The following FOXO1 variants were observed in gnomAD, a reference collection of about 807,000 sequenced individuals.
The protein encoded by FOXO1 is forkhead box O1.
Under a neutral mutation model 44.1 loss-of-function variants are expected in FOXO1, and 6 were observed. That is an observed-to-expected ratio of 0.14 (90% CI 0.07 to 0.27). The LOEUF (loss-of-function observed/expected upper bound fraction) is 0.27, where lower values mean the gene tolerates loss of function less well. Among genes scored for constraint, FOXO1 ranks in the 10% least tolerant of loss-of-function variants. The pLI is 1.00. For synonymous variants in FOXO1, 380 were observed against 362.7 expected, an observed-to-expected ratio of 1.05 and a Z score of -0.54; for missense variants, 737 against 888.8, an observed-to-expected ratio of 0.83 and a Z score of 2.17.
At chr13:40,652,025 A>C (rs541854798) in intron 1 of FOXO1, among the ~76,000 whole-genome samples, 7 of 152,264 alleles carry the variant, frequency 4.6e-5, no homozygotes, top group African/African-American at 1.7e-4. Flanking sequence ...CTACATACCT[A>C]CCCATCCAGA....
In FOXO1 at chr13:40,666,253, G is replaced by C. The variant is rs940739894; in HGVS notation, c.-41C>G. The C allele has an allele frequency of 2.2e-5, 30 of 1,350,620 alleles. No homozygotes were observed. Among genetic ancestry groups the C allele is most frequent in the Middle Eastern group, 2.6e-4 (1 of 3,784 alleles). 83.7% of individuals were successfully genotyped at this position (1,350,620 alleles called of 1,614,324 possible). ...TCCCCCAGCCGCAGGAGAGCCAAGA[G>C]GGGGAGAACGCAGCACTGGGGGCGG... On this transcript the variant is annotated 5_prime_UTR_variant, in exon 1 of 3. Coordinates refer to ENST00000379561, the MANE Select transcript of FOXO1 (RefSeq NM_002015.4).
chr13:40,574,031 T>G (rs940658082), intron 1 of FOXO1, among the ~76,000 whole-genome samples: 2 of 152,232 alleles, frequency 1.3e-5, no homozygotes, highest in Non-Finnish European at 2.9e-5. Flanking sequence ...CACTTTCAAT[T>G]TCCTCCAAAA....
At chr13:40,664,827 GC>G (rs1878168420) in intron 1 of FOXO1, among the ~76,000 whole-genome samples, 1 of 151,148 alleles carries the variant, frequency 6.6e-6, no homozygotes, top group Non-Finnish European at 1.5e-5. Flanking sequence ...CACCGCCACC[GC>G]CACCGCCCGC....
intron 1 of FOXO1, among the ~76,000 whole-genome samples, chr13:40,622,854 A>G (rs1876660906): frequency 6.6e-6 from 1 of 152,228 alleles, no homozygotes; most frequent in South Asian, 2.1e-4. Flanking sequence ...ACTATAAGTA[A>G]GCGTGGAAGA....
At chr13:40,618,396 T>C (rs1053152932) in intron 1 of FOXO1, among the ~76,000 whole-genome samples, 20 of 152,184 alleles carry the variant, frequency 1.3e-4, no homozygotes, top group African/African-American at 4.1e-4. Flanking sequence ...TAAATATACA[T>C]GTAGAATACC....
At chr13:40,616,943 A>T (rs1185868001) in intron 1 of FOXO1, among the ~76,000 whole-genome samples, 1 of 152,238 alleles carries the variant, frequency 6.6e-6, no homozygotes. Context: ...TTCAATGGAA[A>T]GCCCTCATGC....
In FOXO1 at chr13:40,646,507, G is replaced by A. The variant is rs1168852845; in HGVS notation, c.630+19076C>T. Among the ~76,000 whole-genome samples the A allele has an allele frequency of 2.0e-5, 3 of 152,078 alleles. No homozygotes were observed. The East Asian group carries it at 5.8e-4, about 29-fold the overall frequency. On this transcript the variant is annotated intron_variant, in intron 1 of 2. Transcript: ENST00000379561. ...CAGCCAACTACTGTGACTTCTAAAA[G>A]GTGAATATTATAAAATTCTAGCTTA... is the stretch of plus-strand genomic sequence containing the variant.
At chr13:40,640,745 G>A (rs1222945580) in intron 1 of FOXO1, among the ~76,000 whole-genome samples, 5 of 151,520 alleles carry the variant, frequency 3.3e-5, no homozygotes, top group African/African-American at 1.2e-4. Flanking sequence ...ACAGGTCAGT[G>A]TTTGTTATTT....
chr13:40,596,933 CAA>C (rs1038876235), intron 1 of FOXO1, among the ~76,000 whole-genome samples: 14 of 152,264 alleles, frequency 9.2e-5, no homozygotes, highest in Admixed American at 2.0e-4. Context: ...CTCATTCTGT[CAA>C]AAGACAGCAA....
At chr13:40,612,410 A>G (rs889178889) in intron 1 of FOXO1, among the ~76,000 whole-genome samples, 2 of 152,236 alleles carry the variant, frequency 1.3e-5, no homozygotes, top group African/African-American at 2.4e-5. Flanking sequence ...CAGGGTCTCC[A>G]TGAAATTATC....
intron 1 of FOXO1, among the ~76,000 whole-genome samples, chr13:40,590,027 A>C (rs879449196): frequency 1.3e-5 from 2 of 152,210 alleles, no homozygotes; most frequent in Non-Finnish European, 2.9e-5. Context: ...AAAGTCTGCA[A>C]GTTTGTACGA....
intron 1 of FOXO1, among the ~76,000 whole-genome samples, chr13:40,601,949 A>G (rs1025984373): frequency 2.6e-5 from 4 of 152,216 alleles, no homozygotes; most frequent in Non-Finnish European, 5.9e-5. Context: ...GAGAGGTACT[A>G]TGTTATCAAT....
At chr13:40,606,239 C>A (rs1033275136) in intron 1 of FOXO1, among the ~76,000 whole-genome samples, 16 of 152,204 alleles carry the variant, frequency 1.1e-4, no homozygotes, top group South Asian at 2.1e-4. Flanking sequence ...TCACCCAGAG[C>A]TATATAGCCT....
intron 1 of FOXO1, among the ~76,000 whole-genome samples, chr13:40,610,729 T>C (rs914552386): frequency 3.3e-5 from 5 of 152,222 alleles, no homozygotes; most frequent in African/African-American, 9.6e-5. Context: ...AAAAAGCATG[T>C]TTCAATATAG....
chr13:40,579,504 G>C (rs562244242), intron 1 of FOXO1, among the ~76,000 whole-genome samples: 1 of 152,158 alleles, frequency 6.6e-6, no homozygotes, highest in Admixed American at 6.5e-5. Context: ...CTCCTTAAAT[G>C]CTTCTGTAAA....
chr13:40,653,829 C>T (rs1353747868), intron 1 of FOXO1, among the ~76,000 whole-genome samples: 1 of 152,132 alleles, frequency 6.6e-6, no homozygotes, highest in African/African-American at 2.4e-5. Context: ...ATAACACCTT[C>T]AAGATGGGGA....
Position 40,665,679 on chromosome 13 carries a change from C to T in FOXO1, c.534G>A (p.Glu178=), listed in dbSNP as rs112616996. 41 of 1,542,894 alleles carry T rather than the reference C, an allele frequency of 2.7e-5. 1 individual carries two copies. The highest frequency in any genetic ancestry group is 2.5e-4 in the African/African-American group (18 of 70,902). Residue 178 remains glutamate, a synonymous_variant, in exon 1 of 3, where the codon GAG becomes GAA. Coordinates refer to ENST00000379561, the MANE Select transcript of FOXO1 (RefSeq NM_002015.4). The part of the protein sequence containing the change: ...LITKAIESSA[E]KRLTLSQIYE... ...AGATCTGCGACAGCGTGAGCCGCTTCTCCGCCGAGCTCTCGATGGCCTTGG... is the reference window on the plus strand; with the variant it reads ...AGATCTGCGACAGCGTGAGCCGCTTTTCCGCCGAGCTCTCGATGGCCTTGG...
At chr13:40,632,680 T>C (rs1186730411) in intron 1 of FOXO1, among the ~76,000 whole-genome samples, 2 of 151,860 alleles carry the variant, frequency 1.3e-5, no homozygotes, top group South Asian at 4.2e-4. Context: ...CAGTGGCTCA[T>C]GCCTGTAATC....
chr13:40,596,564 A>G (rs1189913466), intron 1 of FOXO1, among the ~76,000 whole-genome samples: 1 of 152,206 alleles, frequency 6.6e-6, no homozygotes, highest in Non-Finnish European at 1.5e-5. Flanking sequence ...CAACTATAAA[A>G]GGAGGACAAC....
Sources: gnomAD v4.1 joint callset for allele counts (sites outside exome capture counted in the v4.1 genomes callset) on GRCh38, gnomAD v4.1.1 for gene constraint, MANE v1.5 for transcripts, NCBI Gene and HGNC (gene_info 2026-07-23, HGNC 2026-07-21) for gene names.